PEBP4: variants seen among roughly 807,000 people sequenced by gnomAD.
The protein encoded by PEBP4 is phosphatidylethanolamine-binding protein 4.
A neutral mutation model predicts 23.9 loss-of-function variants in PEBP4; 22 were observed. That is an observed-to-expected ratio of 0.92 (90% CI 0.66 to 1.31). The LOEUF is 1.31. Among genes scored for constraint, PEBP4 ranks in the 40% most tolerant of loss-of-function variants. The probability of loss-of-function intolerance (pLI) is 0.00; values close to 1 mark genes in which losing one functional copy is unlikely to be tolerated. For missense variants in PEBP4, 324 were observed against 281.7 expected, an observed-to-expected ratio of 1.15 and a Z score of -1.07; for synonymous variants, 112 against 99.3, an observed-to-expected ratio of 1.13 and a Z score of -0.76.
At chr8:22,870,984 C>A (rs1031988573) in intron 3 of PEBP4, among the ~76,000 whole-genome samples, 2 of 152,142 alleles carry the variant, frequency 1.3e-5, no homozygotes, top group African/African-American at 4.8e-5. Context: ...TCTACAGATG[C>A]ACTTGGACTT....
chr8:22,818,740 G>T (rs561892122), intron 3 of PEBP4, among the ~76,000 whole-genome samples: 7 of 152,314 alleles, frequency 4.6e-5, no homozygotes, highest in African/African-American at 2.4e-5. Context: ...TAGGAGACTC[G>T]CAGTAGCATG....
At chr8:22,912,784 G>A (rs995167329) in intron 3 of PEBP4, among the ~76,000 whole-genome samples, 6 of 152,180 alleles carry the variant, frequency 3.9e-5, no homozygotes, top group Non-Finnish European at 8.8e-5. Context: ...ACCTGGCTGG[G>A]GACCTGGGCT....
intron 4 of PEBP4, among the ~76,000 whole-genome samples, chr8:22,796,329 G>C (rs2128757827): frequency 6.6e-6 from 1 of 152,104 alleles, no homozygotes; most frequent in South Asian, 2.1e-4. Context: ...ACTGGGTTTT[G>C]AGTTCCTTGA....
chr8:22,817,524 G>C, intron 4 of PEBP4, 113 bp downstream of exon 4: 1 of 971,342 alleles, frequency 1.0e-6, no homozygotes, highest in Non-Finnish European at 1.6e-6. Flanking sequence ...GGGGAGATGG[G>C]ACACAGAAGT....
chr8:22,863,035 C>T (rs1318388159), intron 3 of PEBP4, among the ~76,000 whole-genome samples: 2 of 152,072 alleles, frequency 1.3e-5, no homozygotes, highest in Non-Finnish European at 2.9e-5. Context: ...CTCCTGACCT[C>T]GTGATCTGCC....
chr8:22,773,817 T>C (rs1315354315), intron 4 of PEBP4, among the ~76,000 whole-genome samples: 1 of 151,854 alleles, frequency 6.6e-6, no homozygotes, highest in Non-Finnish European at 1.5e-5. Flanking sequence ...ACCGTGGGGG[T>C]CCTTGCTTTA....
Position 22,817,685 on chromosome 8 carries a change from T to A in PEBP4, c.309A>T (p.Ala103=), listed in dbSNP as rs367646583. ...VMVDPDAPSR[A]EPRQRFWRHW... ...GTCTCCAGAATCTCTGTCTGGGTTCTGCTCTGCTAGGGGCATCTGGATCCA... is the reference window on the plus strand; with the variant it reads ...GTCTCCAGAATCTCTGTCTGGGTTCAGCTCTGCTAGGGGCATCTGGATCCA... The change falls in exon 4 of 7, where the codon GCA becomes GCT. Residue 103 remains alanine, a synonymous_variant. Coordinates refer to ENST00000256404, the MANE Select transcript of PEBP4 (RefSeq NM_144962.3). The A allele has an allele frequency of 1.2e-6, 2 of 1,614,132 alleles. No homozygotes were observed. The highest frequency in any genetic ancestry group is 1.7e-6 in the Non-Finnish European group (2 of 1,180,050).
intron 1 of PEBP4, among the ~76,000 whole-genome samples, chr8:22,934,276 A>T (rs1809504182): frequency 6.6e-6 from 1 of 152,240 alleles, no homozygotes; most frequent in South Asian, 2.1e-4. Context: ...TGGGTATATA[A>T]TAATGTAAAC....
rs559660341 is a variant in PEBP4, at chr8:22,786,964, G to T, written c.357+30673C>A. On this transcript the variant is annotated intron_variant, in intron 4 of 6. Coordinates refer to ENST00000256404, the MANE Select transcript of PEBP4 (RefSeq NM_144962.3). ...GCCTCCTGAGTAGGTGGGACCACAG[G>T]TGTGTATCACCATTCCTGGCTTATT... Among the ~76,000 whole-genome samples, 216 of 152,232 alleles carry T rather than the reference G, an allele frequency of 1.4e-3. 1 individual carries two copies. Among genetic ancestry groups the T allele is most frequent in the Non-Finnish European group, 2.6e-3 (175 of 68,028 alleles).
chr8:22,858,189 G>A (rs997138347), intron 3 of PEBP4, among the ~76,000 whole-genome samples: 11 of 152,184 alleles, frequency 7.2e-5, no homozygotes, highest in African/African-American at 2.7e-4. Context: ...TAGTGTGGGT[G>A]TTGAAATGGT....
At chr8:22,858,735 C>A (rs2128768306) in intron 3 of PEBP4, among the ~76,000 whole-genome samples, 1 of 152,206 alleles carries the variant, frequency 6.6e-6, no homozygotes, top group South Asian at 2.1e-4. Context: ...TCACTTGAGG[C>A]CAGGAGTTCG....
At chr8:22,749,994 C>T (rs889469088) in intron 4 of PEBP4, among the ~76,000 whole-genome samples, 10 of 151,264 alleles carry the variant, frequency 6.6e-5, no homozygotes, top group Non-Finnish European at 1.2e-4. Flanking sequence ...TTAGTAAAGA[C>T]GGGGTTTCTC....
At chr8:22,760,697 C>T (rs1431578787) in intron 4 of PEBP4, among the ~76,000 whole-genome samples, 1 of 152,136 alleles carries the variant, frequency 6.6e-6, no homozygotes, top group East Asian at 1.9e-4. Flanking sequence ...CAGGCTACTA[C>T]TTAGTAAGCG....
At chr8:22,783,862 G>T (rs1402284892) in intron 4 of PEBP4, among the ~76,000 whole-genome samples, 2 of 152,234 alleles carry the variant, frequency 1.3e-5, no homozygotes, top group Admixed American at 1.3e-4. Flanking sequence ...CTGAGCTCAA[G>T]TGATCTCCCC....
intron 3 of PEBP4, among the ~76,000 whole-genome samples, chr8:22,847,199 GT>G (rs5890073): frequency 0.21 from 31,302 of 152,046 alleles, 3,921 homozygotes; most frequent in South Asian, 0.32. Flanking sequence ...ATGTCAGCAA[GT>G]CATGTTCAAA....
chr8:22,930,364 T>C (rs958693881), upstream of PEBP4, among the ~76,000 whole-genome samples: 1 of 152,174 alleles, frequency 6.6e-6, no homozygotes, highest in African/African-American at 2.4e-5. Context: ...TTTACTGCTT[T>C]CTTCATTATT....
chr8:22,750,391 C>T (rs763797472), intron 4 of PEBP4, among the ~76,000 whole-genome samples: 3 of 152,232 alleles, frequency 2.0e-5, no homozygotes, highest in Admixed American at 1.3e-4. Context: ...TGAGCCACCG[C>T]GCCCAGCCAG....
At chr8:22,878,373 G>A (rs1306268648) in intron 3 of PEBP4, among the ~76,000 whole-genome samples, 2 of 152,206 alleles carry the variant, frequency 1.3e-5, no homozygotes, top group African/African-American at 4.8e-5. Flanking sequence ...CTGCGGGAGA[G>A]GGTGGAGGGT....
At chr8:22,918,938 C>T (rs1314009382) in intron 3 of PEBP4, among the ~76,000 whole-genome samples, 1 of 151,712 alleles carries the variant, frequency 6.6e-6, no homozygotes, top group Non-Finnish European at 1.5e-5. Context: ...TGCACATGTG[C>T]ACACATGTGC....
Sources: gnomAD v4.1 joint callset for allele counts (sites outside exome capture counted in the v4.1 genomes callset) on GRCh38, gnomAD v4.1.1 for gene constraint, MANE v1.5 for transcripts, NCBI Gene and HGNC (gene_info 2026-07-23, HGNC 2026-07-21) for gene names.